The following ALLC variants were observed in gnomAD, a reference collection of about 807,000 sequenced individuals.
ALLC encodes the protein allantoicase.
In ALLC, 40 loss-of-function variants were observed where a neutral mutation model predicts 45.0. The ratio of observed to expected loss-of-function variants is 0.89; its 90% CI spans 0.69 to 1.16. The LOEUF (loss-of-function observed/expected upper bound fraction) is 1.16, where lower values mean the gene tolerates loss of function less well. Ranked by LOEUF, ALLC falls within the 50% of genes most tolerant of loss-of-function variation. The probability of loss-of-function intolerance (pLI) is 0.00; values close to 1 mark genes in which losing one functional copy is unlikely to be tolerated. For missense variants in ALLC, 488 were observed against 493.1 expected, an observed-to-expected ratio of 0.99 and a Z score of 0.10; for synonymous variants, 176 against 178.1, an observed-to-expected ratio of 0.99 and a Z score of 0.09.
chr2:3,679,256 A>C (rs929602793), intron 4 of ALLC, among the ~76,000 whole-genome samples: 1 of 152,214 alleles, frequency 6.6e-6, no homozygotes, highest in Non-Finnish European at 1.5e-5. Context: ...AAGGTGAGTT[A>C]ATATCTGGCA....
chr2:3,665,674 T>C (rs1185023573), intron 1 of ALLC, among the ~76,000 whole-genome samples: 1 of 152,284 alleles, frequency 6.6e-6, no homozygotes, highest in Non-Finnish European at 1.5e-5. Context: ...TAGTATTCCA[T>C]GGTCTATATG....
chr2:3,646,611 G>A, the ALLC span, among the ~76,000 whole-genome samples: 5 of 152,180 alleles, frequency 3.3e-5, no homozygotes, highest in South Asian at 2.1e-4. Context: ...AGCAGGTGCC[G>A]CTGCCTCGCC....
At chr2:3,682,505 G>A (rs1233105734) in intron 6 of ALLC, among the ~76,000 whole-genome samples, 1 of 152,098 alleles carries the variant, frequency 6.6e-6, no homozygotes, top group Non-Finnish European at 1.5e-5. Context: ...GTTTCATTAG[G>A]TATCCATCAT....
At chr2:3,648,787 C>T in the ALLC span, among the ~76,000 whole-genome samples, 3 of 152,214 alleles carry the variant, frequency 2.0e-5, no homozygotes, top group Non-Finnish European at 2.9e-5. Flanking sequence ...TCACACGACC[C>T]GCTGTGTCCC....
chr2:3,671,111 C>T lies in ALLC; in HGVS notation c.-47C>T, dbSNP rs778918019. ...TCCCTTCCAGGAAGCACGGCTGATG[C>T]TCCGAAGGAGGGAAGACTGACCCGG... On this transcript the variant is annotated 5_prime_UTR_variant, in exon 2 of 12. Transcript: ENST00000252505. The T allele has an allele frequency of 2.5e-6, 4 of 1,598,668 alleles. No homozygotes were observed. In the South Asian group the frequency reaches 3.4e-5, roughly 14 times the overall value.
chr2:3,702,390 G>A lies in ALLC; in HGVS notation c.1003G>A (p.Asp335Asn). Reference sequence around the variant, plus strand: ...GTCTCCCAACCAAAGTCATCTGTTCGATAGCCTGACCCTAGAGCTCCAAGA... The same window carrying A: ...GTCTCCCAACCAAAGTCATCTGTTCAATAGCCTGACCCTAGAGCTCCAAGA... Reference protein sequence around the residue: ...KLSPNQSHLFDSLTLELQDVI... With the variant: ...KLSPNQSHLFNSLTLELQDVI... Residue 335 changes from aspartate (D) to asparagine (N), a missense_variant, in exon 12 of 12, where the codon GAT becomes AAT. Coordinates refer to ENST00000252505, the MANE Select transcript of ALLC (RefSeq NM_018436.4). 1 of 1,613,200 alleles carries A rather than the reference G, an allele frequency of 6.2e-7. No individual in the cohort carries two copies. The highest frequency in any genetic ancestry group is 8.5e-7 in the Non-Finnish European group (1 of 1,179,804).
chr2:3,676,011 C>T (rs1243342298), intron 3 of ALLC, among the ~76,000 whole-genome samples: 1 of 152,236 alleles, frequency 6.6e-6, no homozygotes, highest in Non-Finnish European at 1.5e-5. Flanking sequence ...CCATCTCCTG[C>T]CTCCTCCCAC....
intron 7 of ALLC, among the ~76,000 whole-genome samples, chr2:3,693,717 G>A (rs1667583646): frequency 6.6e-6 from 1 of 152,212 alleles, no homozygotes; most frequent in South Asian, 2.1e-4. Flanking sequence ...ATAACCCAGT[G>A]GGAGACAGAT....
intron 1 of ALLC, among the ~76,000 whole-genome samples, chr2:3,662,047 C>T (rs1255144463): frequency 6.6e-6 from 1 of 152,206 alleles, no homozygotes; most frequent in African/African-American, 2.4e-5. Context: ...TGCCCATGAG[C>T]CCTGAACTTC....
the ALLC span, among the ~76,000 whole-genome samples, chr2:3,648,567 G>A: frequency 3.9e-5 from 6 of 152,180 alleles, no homozygotes; most frequent in African/African-American, 1.4e-4. Context: ...CCCACAGAGT[G>A]GGTGGAGACT....
chr2:3,672,278 TGG>T (rs1666901537), intron 2 of ALLC, among the ~76,000 whole-genome samples: 1 of 117,550 alleles, frequency 8.5e-6, no homozygotes, highest in African/African-American at 3.4e-5. Context: ...TCTGGTTAGA[TGG>T]GAGGTCCTCT....
chr2:3,682,970 T>G lies in ALLC; in HGVS notation c.407T>G (p.Val136Gly). ...AAATCCGACGACTGGAGTTACTTGG[T>G]TCCCATGACTGAGCTTAAGCCAGGA... ...ELKSDDWSYL[V>G]PMTELKPGNP... Residue 136 changes from valine to glycine, a missense_variant, in exon 7 of 12, where the codon GTT (valine) becomes GGT (glycine). Physicochemically the swap from Val to Gly is moderately radical, Grantham distance 109. Coordinates refer to ENST00000252505, the MANE Select transcript of ALLC (RefSeq NM_018436.4). 6.2e-7 allele frequency: 1 copy of G among 1,613,736 alleles called. No individual in the cohort carries two copies. Among genetic ancestry groups the G allele is most frequent in the Non-Finnish European group, 8.5e-7 (1 of 1,179,788 alleles).
chr2:3,702,348 C>G lies in ALLC; in HGVS notation c.976-15C>G, dbSNP rs769063058. Reference sequence around the variant, plus strand: ...TGTTAACAGACTAGGACCTCTGCATCTGCTTGCTTTTCAGTTGTCTCCCAA... The same window carrying G: ...TGTTAACAGACTAGGACCTCTGCATGTGCTTGCTTTTCAGTTGTCTCCCAA... On this transcript the variant is annotated splice_polypyrimidine_tract_variant and intron_variant, in intron 11 of 11. Coordinates refer to ENST00000252505, the MANE Select transcript of ALLC (RefSeq NM_018436.4). 1.2e-6 allele frequency: 2 copies of G among 1,611,334 alleles called. No homozygotes were observed. The highest frequency in any genetic ancestry group is 2.7e-5 in the African/African-American group (2 of 74,872).
At chr2:3,674,560 G>A (rs763857637) in intron 3 of ALLC, among the ~76,000 whole-genome samples, 2 of 152,186 alleles carry the variant, frequency 1.3e-5, no homozygotes, top group African/African-American at 4.8e-5. Flanking sequence ...CTGCTCCTCC[G>A]TCATACCCAG....
intron 1 of ALLC, among the ~76,000 whole-genome samples, chr2:3,665,727 G>A (rs1378655413): frequency 6.6e-6 from 1 of 152,140 alleles, no homozygotes; most frequent in Admixed American, 6.5e-5. Flanking sequence ...TGGGCATTTG[G>A]GTTGATTCCG....
chr2:3,660,679 C>A (rs775000060), intron 1 of ALLC, among the ~76,000 whole-genome samples: 2 of 152,076 alleles, frequency 1.3e-5, no homozygotes, highest in Non-Finnish European at 2.9e-5. Flanking sequence ...CTGTATCATT[C>A]CCCTATTGGC....
chr2:3,690,248 CCTT>C, intron 7 of ALLC, among the ~76,000 whole-genome samples: 1 of 42,922 alleles, frequency 2.3e-5, no homozygotes, highest in Admixed American at 2.4e-4. Flanking sequence ...GATCCCCTCC[CCTT>C]CCCTTCCCTT....
intron 1 of ALLC, among the ~76,000 whole-genome samples, chr2:3,662,974 A>G (rs930295020): frequency 6.6e-6 from 1 of 152,226 alleles, no homozygotes; most frequent in Non-Finnish European, 1.5e-5. Flanking sequence ...AGAGGAAGAC[A>G]TGAGTTCACT....
the ALLC span, among the ~76,000 whole-genome samples, chr2:3,652,294 G>T: frequency 2.0e-5 from 3 of 152,260 alleles, no homozygotes; most frequent in African/African-American, 7.2e-5. Context: ...CCTGTGCAGA[G>T]CCTGGGGGCC....
Sources: gnomAD v4.1 joint callset for allele counts (sites outside exome capture counted in the v4.1 genomes callset) on GRCh38, gnomAD v4.1.1 for gene constraint, MANE v1.5 for transcripts, NCBI Gene and HGNC (gene_info 2026-07-23, HGNC 2026-07-21) for gene names.